The following CCDC91 variants were observed in gnomAD, a reference collection of about 807,000 sequenced individuals.
The protein encoded by CCDC91 is coiled-coil domain-containing protein 91.
A neutral mutation model predicts 63.2 loss-of-function variants in CCDC91; 48 were observed. That is an observed-to-expected ratio of 0.76 (90% CI 0.60 to 0.97). The LOEUF (loss-of-function observed/expected upper bound fraction) is 0.97. Among genes scored for constraint, CCDC91 ranks in the 50% least tolerant of loss-of-function variants. The pLI is 0.00. For synonymous variants in CCDC91, 167 were observed against 165.8 expected (o/e 1.01, Z -0.06); for missense variants, 500 against 494.6 (o/e 1.01, Z -0.10).
At chr12:28,482,520 CAA>C (rs1951502762) in intron 11 of CCDC91, among the ~76,000 whole-genome samples, 1 of 151,792 alleles carries the variant, frequency 6.6e-6, no homozygotes, top group African/African-American at 2.4e-5. Context: ...AAGCAAATGA[CAA>C]GAGAAAATGT....
chr12:28,528,926 T>G (rs1279723228), intron 12 of CCDC91, among the ~76,000 whole-genome samples: 1 of 152,170 alleles, frequency 6.6e-6, no homozygotes, highest in Non-Finnish European at 1.5e-5. Flanking sequence ...AGAATGATAT[T>G]TATCTATATT....
chr12:28,241,650 G>A (rs1202955529), intron 1 of CCDC91, among the ~76,000 whole-genome samples: 2 of 152,046 alleles, frequency 1.3e-5, no homozygotes, highest in African/African-American at 2.4e-5. Flanking sequence ...TTTGGTATCC[G>A]TGTGTGAGAG....
intron 1 of CCDC91, among the ~76,000 whole-genome samples, chr12:28,241,822 C>G (rs1479273440): frequency 6.6e-6 from 1 of 151,446 alleles, no homozygotes; most frequent in Admixed American, 6.6e-5. Flanking sequence ...ATGGCAAAAC[C>G]CTGTCTCTAC....
intron 3 of CCDC91, among the ~76,000 whole-genome samples, chr12:28,299,623 T>A (rs530091873): frequency 1.4e-4 from 22 of 151,794 alleles, no homozygotes; most frequent in African/African-American, 5.1e-4. Flanking sequence ...GAAGAGAGAT[T>A]TCTTGCCATT....
At chr12:28,275,937 ACT>A (rs1291901541) in intron 3 of CCDC91, among the ~76,000 whole-genome samples, 2 of 151,860 alleles carry the variant, frequency 1.3e-5, no homozygotes, top group African/African-American at 4.8e-5. Context: ...CATGCGAAAA[ACT>A]CTCAATAAAT....
intron 7 of CCDC91, among the ~76,000 whole-genome samples, chr12:28,371,202 G>C (rs534743169): frequency 6.6e-6 from 1 of 152,122 alleles, no homozygotes; most frequent in East Asian, 1.9e-4. Flanking sequence ...TTCGTGGCCT[G>C]TTAGGAACTG....
chr12:28,380,466 A>G (rs1945230977), intron 7 of CCDC91, among the ~76,000 whole-genome samples: 1 of 152,160 alleles, frequency 6.6e-6, no homozygotes. Flanking sequence ...AATGTTGCTC[A>G]GACCTGAATG....
chr12:28,206,467 A>G (rs1942857471), intron 1 of CCDC91, among the ~76,000 whole-genome samples: 1 of 152,162 alleles, frequency 6.6e-6, no homozygotes, highest in Non-Finnish European at 1.5e-5. Context: ...GAGAGAATAC[A>G]GTGCACTAGG....
intron 12 of CCDC91, among the ~76,000 whole-genome samples, chr12:28,538,555 C>T (rs1349565750): frequency 1.3e-5 from 2 of 151,870 alleles, no homozygotes; most frequent in Non-Finnish European, 2.9e-5. Context: ...TGAATAGTGC[C>T]ACAATAAACA....
At chr12:28,362,583 G>C in intron 7 of CCDC91, 68 bp downstream of exon 7, 1 of 929,990 alleles carries the variant, frequency 1.1e-6, no homozygotes, top group East Asian at 2.7e-5. Flanking sequence ...ACACATGTAG[G>C]TATGTGCAAA....
At chr12:28,331,397 A>G (rs1941497182) in intron 6 of CCDC91, among the ~76,000 whole-genome samples, 1 of 152,224 alleles carries the variant, frequency 6.6e-6, no homozygotes, top group Non-Finnish European at 1.5e-5. Flanking sequence ...CTAAAATTAC[A>G]GGACAAAATA....
intron 8 of CCDC91, among the ~76,000 whole-genome samples, chr12:28,440,664 A>T (rs1949137160): frequency 6.6e-6 from 1 of 152,286 alleles, no homozygotes; most frequent in South Asian, 2.1e-4. Context: ...ACTGGGAAAA[A>T]CATTCATGAA....
chr12:28,388,296 A>G (rs1320008234), intron 7 of CCDC91, among the ~76,000 whole-genome samples: 2 of 152,146 alleles, frequency 1.3e-5, no homozygotes, highest in South Asian at 2.1e-4. Flanking sequence ...AGGGCATCCA[A>G]ATTGGTAAAG....
chr12:28,529,272 TC>T (rs1941540318), intron 12 of CCDC91, among the ~76,000 whole-genome samples: 1 of 152,198 alleles, frequency 6.6e-6, no homozygotes. Flanking sequence ...TTCAGAATCT[TC>T]CGCAGAGCTT....
chr12:28,333,536 T>C (rs1322107248), intron 6 of CCDC91, among the ~76,000 whole-genome samples: 1 of 152,172 alleles, frequency 6.6e-6, no homozygotes, highest in Non-Finnish European at 1.5e-5. Context: ...CTCTTAAATA[T>C]GGAATCTTCG....
chr12:28,413,505 G>T lies in CCDC91; in HGVS notation c.762+22094G>T, dbSNP rs551663747. ...TTTAGGTAATTTATCTTTTCTCTTT[G>T]GTTGTTTTTAATAGTTTTACTTATT... On this transcript the variant is annotated intron_variant, in intron 8 of 12. Coordinates refer to ENST00000536442, the MANE Select transcript of CCDC91 (RefSeq NM_018318.5). 9.2e-5 allele frequency among the ~76,000 whole-genome samples: 14 copies of T among 151,960 alleles called. No individual in the cohort carries two copies. The South Asian group carries it at 2.9e-3, about 32-fold the overall frequency.
intron 1 of CCDC91, among the ~76,000 whole-genome samples, chr12:28,209,708 G>T (rs1450458123): frequency 1.3e-5 from 2 of 152,166 alleles, no homozygotes; most frequent in African/African-American, 4.8e-5. Context: ...TAGGATTATA[G>T]ATGTGAGTTG....
At chr12:28,381,071 G>A (rs1015340421) in intron 7 of CCDC91, among the ~76,000 whole-genome samples, 9 of 152,220 alleles carry the variant, frequency 5.9e-5, no homozygotes, top group African/African-American at 2.2e-4. Flanking sequence ...ATGATGGTCT[G>A]TAAAAGTTTA....
chr12:28,398,296 T>A (rs1384975638), intron 8 of CCDC91, among the ~76,000 whole-genome samples: 1 of 152,156 alleles, frequency 6.6e-6, no homozygotes, highest in Non-Finnish European at 1.5e-5. Flanking sequence ...TATTCTTGTA[T>A]GTCTAGGTGC....
Sources: allele counts gnomAD v4.1 joint callset (sites outside exome capture counted in the v4.1 genomes callset), GRCh38; gene constraint gnomAD v4.1.1; transcripts MANE v1.5; gene names NCBI Gene and HGNC (gene_info 2026-07-23, HGNC 2026-07-21).